The following ALDH1A2 variants were observed in gnomAD, a reference collection of about 807,000 sequenced individuals.
The protein encoded by ALDH1A2 is retinal dehydrogenase 2.
Under a neutral mutation model 60.3 loss-of-function variants are expected in ALDH1A2, and 27 were observed. The observed-to-expected ratio is 0.45, with a 90% CI of 0.33 to 0.62. The LOEUF (loss-of-function observed/expected upper bound fraction) is 0.62, where lower values mean the gene tolerates loss of function less well. Ranked by LOEUF, ALDH1A2 falls within the 20% of genes least tolerant of loss-of-function variation. The pLI is 0.02. For missense variants in ALDH1A2, 581 were observed against 643.8 expected (o/e 0.90, Z 1.06); for synonymous variants, 289 against 232.4 (o/e 1.24, Z -2.21).
intron 1 of ALDH1A2, among the ~76,000 whole-genome samples, chr15:58,031,702 A>G (rs1043863521): frequency 3.3e-5 from 5 of 152,210 alleles, no homozygotes; most frequent in Non-Finnish European, 5.9e-5. Context: ...CAAAGAATGA[A>G]CAGACACTTC....
At chr15:58,012,898 G>A (rs1895675091) in intron 3 of ALDH1A2, among the ~76,000 whole-genome samples, 1 of 152,066 alleles carries the variant, frequency 6.6e-6, no homozygotes, top group Admixed American at 6.5e-5. Context: ...GACTGAACAA[G>A]GAAACCCTAA....
intron 7 of ALDH1A2, among the ~76,000 whole-genome samples, chr15:57,967,787 C>T (rs546534670): frequency 6.6e-6 from 1 of 152,310 alleles, no homozygotes; most frequent in South Asian, 2.1e-4. Flanking sequence ...CCAGACTGCC[C>T]TTCCCCCGCC....
intron 3 of ALDH1A2, among the ~76,000 whole-genome samples, chr15:58,012,777 G>A (rs1297153760): frequency 6.6e-6 from 1 of 152,136 alleles, no homozygotes; most frequent in Non-Finnish European, 1.5e-5. Context: ...AACTATGGTA[G>A]GAGGGACACT....
chr15:58,032,483 T>C (rs1896267245), intron 1 of ALDH1A2, among the ~76,000 whole-genome samples: 1 of 152,244 alleles, frequency 6.6e-6, no homozygotes, highest in Admixed American at 6.5e-5. Flanking sequence ...TGTGCACATG[T>C]ACCCTAAAAC....
chr15:57,996,300 T>C (rs1895058510), intron 4 of ALDH1A2, among the ~76,000 whole-genome samples: 1 of 145,092 alleles, frequency 6.9e-6, no homozygotes, highest in African/African-American at 2.5e-5. Flanking sequence ...AGTCTTGGCC[T>C]CTCTCTCTCT....
At chr15:57,997,081 G>A (rs1405801785) in intron 4 of ALDH1A2, among the ~76,000 whole-genome samples, 1 of 152,006 alleles carries the variant, frequency 6.6e-6, no homozygotes, top group Non-Finnish European at 1.5e-5. Context: ...AAATTCAGAA[G>A]TAGGCTGGAT....
intron 1 of ALDH1A2, among the ~76,000 whole-genome samples, chr15:58,043,802 T>C (rs4238326): frequency 0.28 from 42,311 of 151,916 alleles, 6,621 homozygotes; most frequent in Non-Finnish European, 0.36. Flanking sequence ...CCAAGTCCTA[T>C]TAAAGCACTA....
At chr15:58,042,106 T>C (rs1378934366) in intron 1 of ALDH1A2, among the ~76,000 whole-genome samples, 2 of 151,976 alleles carry the variant, frequency 1.3e-5, no homozygotes, top group South Asian at 2.1e-4. Context: ...TCTCAAATCC[T>C]ATATTAAAAC....
At chr15:58,035,947 C>T (rs1237579590) in intron 1 of ALDH1A2, among the ~76,000 whole-genome samples, 2 of 151,498 alleles carry the variant, frequency 1.3e-5, no homozygotes, top group Non-Finnish European at 3.0e-5. Context: ...TAGAGTAAAC[C>T]CAGCTTTTGC....
intron 4 of ALDH1A2, among the ~76,000 whole-genome samples, chr15:58,004,297 AT>A (rs1379754613): frequency 6.6e-6 from 1 of 151,916 alleles, no homozygotes; most frequent in East Asian, 1.9e-4. Flanking sequence ...CTGATTATCC[AT>A]TTGTAGTCAA....
intron 7 of ALDH1A2, among the ~76,000 whole-genome samples, chr15:57,967,397 G>GC (rs1402222596): frequency 6.6e-5 from 10 of 152,170 alleles, no homozygotes; most frequent in African/African-American, 2.4e-4. Flanking sequence ...AGTGTGAGAA[G>GC]CTGGGGCCTC....
chr15:58,065,592 A>G lies in ALDH1A2; in HGVS notation c.59T>C (p.Met20Thr), dbSNP rs1271855514. 7 of 1,612,650 alleles carry G rather than the reference A, an allele frequency of 4.3e-6. No individual in the cohort carries two copies. The highest frequency in any genetic ancestry group is 1.3e-5 in the African/African-American group (1 of 74,870). The change falls in exon 1 of 13, where the codon ATG (methionine) becomes ACG (threonine). Residue 20 changes from methionine to threonine, a missense_variant. By Grantham distance (81) the Met-to-Thr change is moderately conservative. This residue lies in a region of ALDH1A2 where 206 missense variants were observed against 174.1 expected (regional missense o/e 1.18). Coordinates refer to ENST00000249750, the MANE Select transcript of ALDH1A2 (RefSeq NM_003888.4). ...CGACGGCAGGAGGTGCAGCGACGCCATGAGGGCGGCGGGGTCGGCCTTCAC... is the reference window on the plus strand; with the variant it reads ...CGACGGCAGGAGGTGCAGCGACGCCGTGAGGGCGGCGGGGTCGGCCTTCAC... ...GEVKADPAAL[M>T]ASLHLLPSPT...
chr15:57,967,709 C>G (rs561538421), intron 7 of ALDH1A2, among the ~76,000 whole-genome samples: 1 of 152,218 alleles, frequency 6.6e-6, no homozygotes, highest in African/African-American at 2.4e-5. Context: ...GAAAACATGA[C>G]TTACCAAGGT....
intron 7 of ALDH1A2, among the ~76,000 whole-genome samples, chr15:57,977,842 T>C (rs1894318245): frequency 6.6e-6 from 1 of 152,180 alleles, no homozygotes; most frequent in African/African-American, 2.4e-5. Flanking sequence ...GTATGGAATG[T>C]TTTTCCATTT....
chr15:58,006,058 C>T (rs1389426952), intron 4 of ALDH1A2, among the ~76,000 whole-genome samples: 3 of 150,482 alleles, frequency 2.0e-5, no homozygotes, highest in Non-Finnish European at 4.4e-5. Flanking sequence ...TTTGGGAGTA[C>T]AGGTGGTGTT....
Position 57,960,803 on chromosome 15 carries a change from C to T in ALDH1A2, c.1451G>A (p.Gly484Glu). Reference sequence around the variant, plus strand: ...CCCATTTCCAGACATCTTGAATCCCCCAAAGGGGCTCTGGGCATTTAAGGC... The same window carrying T: ...CCCATTTCCAGACATCTTGAATCCCTCAAAGGGGCTCTGGGCATTTAAGGC... ...YNALNAQSPFGGFKMSGNGRE... is the reference protein window; with the variant it reads ...YNALNAQSPFEGFKMSGNGRE... Residue 484 changes from glycine to glutamate, a missense_variant, in exon 12 of 13, where the codon GGG becomes GAG. Coordinates refer to ENST00000249750, the MANE Select transcript of ALDH1A2 (RefSeq NM_003888.4). 1 of 1,614,022 alleles carries T rather than the reference C, an allele frequency of 6.2e-7. No individual in the cohort carries two copies. Among genetic ancestry groups the T allele is most frequent in the Non-Finnish European group, 8.5e-7 (1 of 1,179,922 alleles).
intron 12 of ALDH1A2, among the ~76,000 whole-genome samples, chr15:57,960,018 T>C (rs1195970968): frequency 6.6e-6 from 1 of 152,162 alleles, no homozygotes; most frequent in Non-Finnish European, 1.5e-5. Flanking sequence ...TTCCTCTTCT[T>C]GAAAGGCTGA....
intron 4 of ALDH1A2, 77 bp from the exon 5 acceptor site, chr15:57,995,216 G>GAAAAAAAA: frequency 3.5e-6 from 1 of 283,654 alleles, no homozygotes; most frequent in Non-Finnish European, 5.6e-6. Flanking sequence ...TTTGGTGGCT[G>GAAAAAAAA]CAAAAAAAAA....
At chr15:57,975,234 C>T (rs1273630477) in intron 7 of ALDH1A2, among the ~76,000 whole-genome samples, 1 of 152,194 alleles carries the variant, frequency 6.6e-6, no homozygotes, top group East Asian at 1.9e-4. Flanking sequence ...CATGTCCATA[C>T]AAATATTTGT....
Sources: gnomAD v4.1 joint callset for allele counts (sites outside exome capture counted in the v4.1 genomes callset) on GRCh38, gnomAD v4.1.1 for gene constraint, gnomAD v4.1.1 regional missense constraint, MANE v1.5 for transcripts, NCBI Gene and HGNC (gene_info 2026-07-23, HGNC 2026-07-21) for gene names.